The following CSMD2 variants were observed in gnomAD, a reference collection of about 807,000 sequenced individuals.
CSMD2 encodes the protein CUB and Sushi multiple domains 2.
In CSMD2, 130 loss-of-function variants were observed where a neutral mutation model predicts 398.5. That is an observed-to-expected ratio of 0.33 (90% CI 0.28 to 0.38). The LOEUF is 0.38. Among genes scored for constraint, CSMD2 ranks in the 10% least tolerant of loss-of-function variants. The pLI is 1.00. For missense variants in CSMD2, 3,829 were observed against 4,764.9 expected, an observed-to-expected ratio of 0.80 and a Z score of 5.78; for synonymous variants, 1,828 against 1,908.5, an observed-to-expected ratio of 0.96 and a Z score of 1.10.
At chr1:33,841,662 C>A (rs561074991) in intron 6 of CSMD2, among the ~76,000 whole-genome samples, 20 of 151,730 alleles carry the variant, frequency 1.3e-4, no homozygotes, top group African/African-American at 2.4e-5. Context: ...CCTTAAGGAA[C>A]TTTAAAGTCT....
At chr1:34,087,873 C>T (rs983008563) in intron 2 of CSMD2, among the ~76,000 whole-genome samples, 1 of 152,168 alleles carries the variant, frequency 6.6e-6, no homozygotes, top group African/African-American at 2.4e-5. Flanking sequence ...TTGAAGAGGA[C>T]TCTAGCCCTT....
chr1:34,135,948 A>G (rs907495276), intron 1 of CSMD2, among the ~76,000 whole-genome samples: 1 of 152,100 alleles, frequency 6.6e-6, no homozygotes, highest in African/African-American at 2.4e-5. Context: ...ATGCTCTTCT[A>G]TGCCATTCGA....
intron 25 of CSMD2, among the ~76,000 whole-genome samples, chr1:33,674,793 G>A (rs533476525): frequency 6.6e-6 from 1 of 152,180 alleles, no homozygotes; most frequent in Non-Finnish European, 1.5e-5. Flanking sequence ...TAGAACTCAG[G>A]GTTAAGAAAC....
intron 29 of CSMD2, among the ~76,000 whole-genome samples, chr1:33,645,383 AC>A (rs1643368432): frequency 6.6e-6 from 1 of 151,004 alleles, no homozygotes; most frequent in African/African-American, 2.5e-5. Context: ...ACACACACAC[AC>A]ACACACACAT....
At chr1:34,075,797 T>C (rs1325866384) in intron 2 of CSMD2, among the ~76,000 whole-genome samples, 1 of 152,194 alleles carries the variant, frequency 6.6e-6, no homozygotes, top group Admixed American at 6.5e-5. Context: ...GGCCATCTAA[T>C]TGTGCAAAAG....
At chr1:33,620,565 C>A (rs1257776397) in intron 37 of CSMD2, among the ~76,000 whole-genome samples, 1 of 152,016 alleles carries the variant, frequency 6.6e-6, no homozygotes, top group African/African-American at 2.4e-5. Context: ...GAAAATGTAT[C>A]TTTGGAAGAA....
intron 12 of CSMD2, among the ~76,000 whole-genome samples, chr1:33,782,198 T>TC (rs1652869118): frequency 6.7e-6 from 1 of 148,646 alleles, no homozygotes; most frequent in Non-Finnish European, 1.5e-5. Flanking sequence ...CCCCAACCCC[T>TC]GCTCGTTCCT....
chr1:33,567,147 T>G (rs532083091), intron 53 of CSMD2, among the ~76,000 whole-genome samples: 2 of 151,974 alleles, frequency 1.3e-5, no homozygotes, highest in South Asian at 4.2e-4. Context: ...TATTAAAAAT[T>G]TTCTATGTAA....
rs1262279790 is a variant in CSMD2 at position 33,571,392 on chromosome 1, C to T, written c.7957+140G>A. ...GGCATTTTCCCAGCTCCTGATTCTACTAGATGAGAGTTTAAAAAGCAGTAC... is the reference window on the plus strand; with the variant it reads ...GGCATTTTCCCAGCTCCTGATTCTATTAGATGAGAGTTTAAAAAGCAGTAC... On this transcript the variant is annotated intron_variant, in intron 51 of 70. Coordinates refer to ENST00000373381, the MANE Select transcript of CSMD2 (RefSeq NM_001281956.2). 6 of 515,166 alleles carry T rather than the reference C, an allele frequency of 1.2e-5. No homozygotes were observed. In the Admixed American group the frequency reaches 2.1e-4, roughly 18 times the overall value. 31.9% of individuals were successfully genotyped at this position (515,166 alleles called of 1,614,324 possible).
At chr1:33,570,174 T>G (rs908669807) in intron 51 of CSMD2, among the ~76,000 whole-genome samples, 2 of 150,254 alleles carry the variant, frequency 1.3e-5, no homozygotes, top group African/African-American at 4.9e-5. Flanking sequence ...GGCTTTTTTT[T>G]TTTTTTTTTT....
At position 34,061,043 on chromosome 1, in the gene CSMD2, C is replaced by T. The variant is rs190324913; in HGVS notation, c.404+27934G>A. 1.1e-4 allele frequency among the ~76,000 whole-genome samples: 17 copies of T among 152,248 alleles called. No homozygotes were observed. In the East Asian group the frequency reaches 2.5e-3, roughly 23 times the overall value. On this transcript the variant is annotated intron_variant, in intron 2 of 70. Coordinates refer to ENST00000373381, the MANE Select transcript of CSMD2 (RefSeq NM_001281956.2). ...AGAGTCTTTGGCACAAAGGGAAGCT[C>T]GCACTTCCCAACCCCTGCAGCAAGC...
chr1:33,797,115 C>T (rs1368374130), intron 10 of CSMD2, among the ~76,000 whole-genome samples: 1 of 152,220 alleles, frequency 6.6e-6, no homozygotes, highest in East Asian at 1.9e-4. Flanking sequence ...CTGAATTTGT[C>T]CTTGTCCTGT....
At chr1:33,540,498 C>A in intron 60 of CSMD2, 27 bp downstream of exon 60, 1 of 1,612,508 alleles carries the variant, frequency 6.2e-7, no homozygotes, top group Middle Eastern at 1.7e-4. Flanking sequence ...GAAGAGGATG[C>A]ACCAAAGGCC....
intron 44 of CSMD2, among the ~76,000 whole-genome samples, chr1:33,597,809 A>G (rs1223423091): frequency 6.6e-6 from 1 of 152,232 alleles, no homozygotes; most frequent in Non-Finnish European, 1.5e-5. Flanking sequence ...CAATGTTCTT[A>G]TTGCTTGAAA....
In CSMD2 at chr1:33,625,038, C is replaced by G; in HGVS notation, c.5500+13G>C. 2 of 1,613,598 alleles carry G rather than the reference C, an allele frequency of 1.2e-6. No individual in the cohort carries two copies. Among genetic ancestry groups the G allele is most frequent in the Non-Finnish European group, 8.5e-7 (1 of 1,179,736 alleles). On this transcript the variant is annotated intron_variant, in intron 34 of 70. Transcript: ENST00000373381. ...CCCCCCGCACCCTCAACGCCCGGGT[C>G]CTGGTTACTCACCCACACACGTGGG...
chr1:34,127,039 G>A (rs544038337), intron 1 of CSMD2, among the ~76,000 whole-genome samples: 1 of 152,252 alleles, frequency 6.6e-6, no homozygotes, highest in East Asian at 1.9e-4. Context: ...AAGAAACAGA[G>A]AGACGGAAAA....
At chr1:33,803,628 T>C (rs537825763) in intron 10 of CSMD2, among the ~76,000 whole-genome samples, 2 of 152,144 alleles carry the variant, frequency 1.3e-5, no homozygotes, top group Non-Finnish European at 2.9e-5. Flanking sequence ...AGCTCCCACA[T>C]CCAATCAGCT....
Position 33,601,018 on chromosome 1 carries a change from C to A in CSMD2, c.6711-8G>T. The stretch of plus-strand genomic sequence containing the variant: ...GTTTGCTGTGGCCCATCCCTGTACA[C>A]AGGAAACAAGGTCCTGGCATGTCAC... On this transcript the variant is annotated splice_polypyrimidine_tract_variant and splice_region_variant and intron_variant, in intron 43 of 70. Transcript: ENST00000373381. 1.9e-6 allele frequency: 3 copies of A among 1,614,088 alleles called. No homozygotes were observed. The highest frequency in any genetic ancestry group is 4.5e-5 in the East Asian group (2 of 44,880).
At chr1:34,146,586 G>A (rs1043166375) in intron 1 of CSMD2, among the ~76,000 whole-genome samples, 1 of 152,156 alleles carries the variant, frequency 6.6e-6, no homozygotes, top group Non-Finnish European at 1.5e-5. Flanking sequence ...CAGGAGAAAA[G>A]GGGTGAGTTC....
Sources: allele counts gnomAD v4.1 joint callset (sites outside exome capture counted in the v4.1 genomes callset), GRCh38; gene constraint gnomAD v4.1.1; transcripts MANE v1.5; gene names NCBI Gene and HGNC (gene_info 2026-07-23, HGNC 2026-07-21).